The following DNMT3B variants were observed in gnomAD, a reference collection of about 807,000 sequenced individuals.
DNMT3B encodes the protein DNA (cytosine-5)-methyltransferase 3B.
A neutral mutation model predicts 120.2 loss-of-function variants in DNMT3B; 37 were observed. That is an observed-to-expected ratio of 0.31 (90% CI 0.24 to 0.40). The LOEUF (loss-of-function observed/expected upper bound fraction) is 0.40, where lower values mean the gene tolerates loss of function less well. DNMT3B is among the 10% of genes least tolerant of loss of function. DNMT3B has a pLI of 1.00. For missense variants in DNMT3B, 878 were observed against 1,137.3 expected, an observed-to-expected ratio of 0.77 and a Z score of 3.28; for synonymous variants, 412 against 442.8, an observed-to-expected ratio of 0.93 and a Z score of 0.87.
chr20:32,800,934 CCTT>C lies in DNMT3B; in HGVS notation c.1996+12_1996+14del. ...CAGGAAAGGCCTGTATGGTGAGCATCCTTCTCTCTGGCAGTCCCTGGAGAGCCT... is the reference window on the plus strand; with the variant it reads ...CAGGAAAGGCCTGTATGGTGAGCATCCTCTCTGGCAGTCCCTGGAGAGCCT... On this transcript the variant is annotated intron_variant, in intron 18 of 22. Transcript: ENST00000328111. 6.2e-7 allele frequency: 1 copy of C among 1,614,166 alleles called. No individual in the cohort carries two copies. The highest frequency in any genetic ancestry group is 8.5e-7 in the Non-Finnish European group (1 of 1,180,012).
chr20:32,771,409 G>A (rs1043288049), intron 1 of DNMT3B, among the ~76,000 whole-genome samples: 4 of 152,174 alleles, frequency 2.6e-5, no homozygotes, highest in East Asian at 1.9e-4. Flanking sequence ...GGGAGGCTGA[G>A]GTGGGCGGAT....
At chr20:32,780,159 T>C (rs376242248) in intron 1 of DNMT3B, 159 bp from the exon 2 acceptor site, 12 of 1,613,294 alleles carry the variant, frequency 7.4e-6, no homozygotes, top group Non-Finnish European at 1.0e-5. Context: ...AGGGGGAGGC[T>C]ATGGGGGGCA....
intron 20 of DNMT3B, among the ~76,000 whole-genome samples, chr20:32,804,526 C>T (rs1034767272): frequency 6.6e-6 from 1 of 152,184 alleles, no homozygotes; most frequent in Non-Finnish European, 1.5e-5. Context: ...ACACAGGTTA[C>T]TATGGCCGTC....
chr20:32,786,662 GTC>G, intron 5 of DNMT3B, 35 bp downstream of exon 5: 1 of 1,612,930 alleles, frequency 6.2e-7, no homozygotes, highest in East Asian at 2.2e-5. Flanking sequence ...CCTGCCCGCA[GTC>G]TCTAACTGGG....
chr20:32,808,044 G>A lies in DNMT3B; in HGVS notation c.*141G>A, dbSNP rs1253952734. 3 of 1,428,950 alleles carry A rather than the reference G, an allele frequency of 2.1e-6. No individual in the cohort carries two copies. Among genetic ancestry groups the A allele is most frequent in the Non-Finnish European group, 2.9e-6 (3 of 1,044,566 alleles). The allele number at this position is 1,428,950 out of a possible 1,614,324, so 88.5% of individuals were successfully genotyped here. A position where few individuals can be genotyped will look rare whatever the true frequency, so the allele number is the denominator to read the frequency against. ...TACCTCAGTTCCCTCTTGCTCAGTGGGGGCAGAGCCACCTGACTCTTGCAG... is the reference window on the plus strand; with the variant it reads ...TACCTCAGTTCCCTCTTGCTCAGTGAGGGCAGAGCCACCTGACTCTTGCAG... On this transcript the variant is annotated 3_prime_UTR_variant, in exon 23 of 23. Transcript: ENST00000328111.
chr20:32,803,050 C>T (rs980183995), intron 20 of DNMT3B, among the ~76,000 whole-genome samples: 3 of 152,172 alleles, frequency 2.0e-5, no homozygotes, highest in African/African-American at 4.8e-5. Context: ...TGGCCAGGCT[C>T]ATGGTGACCA....
intron 15 of DNMT3B, among the ~76,000 whole-genome samples, 169 bp from the exon 16 acceptor site, chr20:32,799,075 C>T (rs931299615): frequency 4.6e-5 from 7 of 152,204 alleles, no homozygotes; most frequent in Admixed American, 2.0e-4. Context: ...AATGCAGGCT[C>T]GTGTGGTACA....
rs1053965967 is a variant in DNMT3B at position 32,784,749 on chromosome 20, C to T, written c.205-9C>T. The T allele has an allele frequency of 1.9e-6, 3 of 1,613,508 alleles. No homozygotes were observed. The highest frequency in any genetic ancestry group is 3.3e-5 in the Admixed American group (2 of 59,988). ...GTCTTCATCATGTTCATCATGTTTC[C>T]TTATAAAGGACTTGACAGGCGATGG... On this transcript the variant is annotated splice_polypyrimidine_tract_variant and intron_variant, in intron 3 of 22. Coordinates refer to ENST00000328111, the MANE Select transcript of DNMT3B (RefSeq NM_006892.4).
chr20:32,784,034 C>T (rs1404214200), intron 3 of DNMT3B, among the ~76,000 whole-genome samples: 2 of 152,146 alleles, frequency 1.3e-5, no homozygotes, highest in African/African-American at 4.8e-5. Context: ...CCTCAGCCTC[C>T]TGAGTATGAG....
chr20:32,780,053 A>G (rs1325750508), intron 1 of DNMT3B: 1 of 1,596,262 alleles, frequency 6.3e-7, no homozygotes, highest in Non-Finnish European at 8.5e-7. Context: ...CTGAGACCCC[A>G]GCCCTGGCCT....
rs964839947 is a variant in DNMT3B, at chr20:32,781,407, A to G, written c.197A>G (p.Tyr66Cys). The G allele has an allele frequency of 3.7e-6, 6 of 1,614,204 alleles. No individual in the cohort carries two copies. Among genetic ancestry groups the G allele is most frequent in the African/African-American group, 1.3e-5 (1 of 75,054 alleles). ...SKREVSSLLS[Y>C]TQDLTGDGDG... The stretch of plus-strand genomic sequence containing the variant: ...AGGGAGGTGTCCAGTCTGCTAAGCT[A>G]CACACAGGTATGGTCTCTGCTCTCC... Residue 66 changes from tyrosine to cysteine, a missense_variant, in exon 3 of 23, where the codon TAC (tyrosine) becomes TGC (cysteine). By Grantham distance (194) the Tyr-to-Cys change is radical. Around this residue, in one of 4 missense-constraint regions of DNMT3B, gnomAD observed 287 missense variants for 306.2 expected, o/e 0.94. Coordinates refer to ENST00000328111, the MANE Select transcript of DNMT3B (RefSeq NM_006892.4).
At chr20:32,805,190 G>T in intron 20 of DNMT3B, 148 bp from the exon 21 acceptor site, 5 of 1,033,508 alleles carry the variant, frequency 4.8e-6, no homozygotes, top group Non-Finnish European at 7.4e-6. Flanking sequence ...ACAGGCTTGT[G>T]CTCATGCCAG....
intron 3 of DNMT3B, among the ~76,000 whole-genome samples, chr20:32,784,420 G>C (rs1036002318): frequency 6.6e-6 from 1 of 152,230 alleles, no homozygotes; most frequent in Admixed American, 6.5e-5. Flanking sequence ...TGGACTCAAA[G>C]CCACACAGTT....
chr20:32,763,925 G>A (rs1429367498), intron 1 of DNMT3B, among the ~76,000 whole-genome samples: 4 of 152,180 alleles, frequency 2.6e-5, no homozygotes, highest in Admixed American at 2.6e-4. Context: ...GCAGACGGGT[G>A]GCAGTTTTTG....
chr20:32,778,603 C>T (rs1988192667), intron 1 of DNMT3B, among the ~76,000 whole-genome samples: 1 of 152,198 alleles, frequency 6.6e-6, no homozygotes, highest in Non-Finnish European at 1.5e-5. Context: ...TGCCTGGGGG[C>T]GCCACTGGGC....
chr20:32,782,502 G>A (rs1300400853), intron 3 of DNMT3B, among the ~76,000 whole-genome samples: 1 of 152,188 alleles, frequency 6.6e-6, no homozygotes, highest in African/African-American at 2.4e-5. Flanking sequence ...TCCAGAAGAT[G>A]ATGTCTAATA....
intron 4 of DNMT3B, among the ~76,000 whole-genome samples, 160 bp downstream of exon 4, chr20:32,785,019 T>C (rs1043444091): frequency 3.4e-5 from 5 of 147,584 alleles, no homozygotes; most frequent in Non-Finnish European, 5.9e-5. Context: ...TCTTGGACTA[T>C]TGTTGGAGGG....
intron 1 of DNMT3B, among the ~76,000 whole-genome samples, chr20:32,768,467 C>T (rs986593612): frequency 1.3e-5 from 2 of 152,178 alleles, no homozygotes; most frequent in African/African-American, 4.8e-5. Context: ...GCTAGGATTA[C>T]AGGCATGAGC....
intron 6 of DNMT3B, 92 bp from the exon 7 acceptor site, chr20:32,788,762 T>A: frequency 6.5e-7 from 1 of 1,538,574 alleles, no homozygotes; most frequent in Non-Finnish European, 9.0e-7. Flanking sequence ...TATGGCAAGC[T>A]TTTTGTTGCC....
Sources: gnomAD v4.1 joint callset for allele counts (sites outside exome capture counted in the v4.1 genomes callset) on GRCh38, gnomAD v4.1.1 for gene constraint, gnomAD v4.1.1 regional missense constraint, MANE v1.5 for transcripts, NCBI Gene and HGNC (gene_info 2026-07-23, HGNC 2026-07-21) for gene names.